Variants in WIPF1 observed in about 807,000 individuals in gnomAD.
The protein encoded by WIPF1 is WAS/WASL interacting protein family member 1, also known as WAS/WASL-interacting protein family member 1.
In WIPF1, 13 loss-of-function variants were observed where a neutral mutation model predicts 35.4. The ratio of observed to expected loss-of-function variants is 0.37; its 90% CI spans 0.24 to 0.58. The LOEUF is 0.58. Among genes scored for constraint, WIPF1 ranks in the 20% least tolerant of loss-of-function variants. WIPF1 has a pLI of 0.74. For synonymous variants in WIPF1, 267 were observed against 266.3 expected (o/e 1.00, Z -0.02); for missense variants, 591 against 667.0 (o/e 0.89, Z 1.25).
intron 6 of WIPF1, 99 bp from the exon 7 acceptor site, chr2:174,567,282 C>T: frequency 1.8e-6 from 2 of 1,123,792 alleles, no homozygotes; most frequent in Admixed American, 2.2e-5. Flanking sequence ...GAACCACAGA[C>T]ATCAGTGCTA....
At chr2:174,638,359 G>C (rs1165497372) in intron 1 of WIPF1, among the ~76,000 whole-genome samples, 1 of 152,136 alleles carries the variant, frequency 6.6e-6, no homozygotes, top group Non-Finnish European at 1.5e-5. Flanking sequence ...AATCAGGGTA[G>C]TTAGCATATC....
intron 1 of WIPF1, among the ~76,000 whole-genome samples, chr2:174,646,203 T>C (rs1161070297): frequency 6.6e-6 from 1 of 152,226 alleles, no homozygotes; most frequent in Non-Finnish European, 1.5e-5. Flanking sequence ...CTCACATATA[T>C]GTAACACGGG....
chr2:174,571,843 A>AGAG lies in WIPF1; in HGVS notation c.959_961dup (p.Pro320dup). Reference sequence around the variant, plus strand: ...GTCATTGCCGCTGGAACTTGGAGGCAGAGGAGGCGGCCCGGGCCTGCTGGG... The same window carrying AGAG: ...GTCATTGCCGCTGGAACTTGGAGGCAGAGGAGGAGGCGGCCCGGGCCTGCTGGG... On this transcript the variant is annotated inframe_insertion, in exon 5 of 8. Coordinates refer to ENST00000679041, the MANE Select transcript of WIPF1 (RefSeq NM_001375834.1). This position sits in a 1 kb window ranked among gnomAD's most constrained non-coding sequence, Gnocchi z 4.6. The AGAG allele has an allele frequency of 6.2e-7, 1 of 1,614,138 alleles. No homozygotes were observed. The highest frequency in any genetic ancestry group is 8.5e-7 in the Non-Finnish European group (1 of 1,180,016).
chr2:174,620,941 A>T (rs541536754), intron 1 of WIPF1, among the ~76,000 whole-genome samples: 1 of 152,362 alleles, frequency 6.6e-6, no homozygotes, highest in African/African-American at 2.4e-5. Flanking sequence ...TAAACACAGC[A>T]GCCTGGGAAA....
chr2:174,567,354 A>G (rs1684694510), intron 6 of WIPF1, among the ~76,000 whole-genome samples, 171 bp from the exon 7 acceptor site: 1 of 152,240 alleles, frequency 6.6e-6, no homozygotes, highest in South Asian at 2.1e-4. Flanking sequence ...GAATTAGTAC[A>G]CTGACATATA....
rs1187966952 is a variant in WIPF1, at chr2:174,562,299, C to T, written c.*248G>A. 17 of 1,508,664 alleles carry T rather than the reference C, an allele frequency of 1.1e-5. No homozygotes were observed. The highest frequency in any genetic ancestry group is 6.9e-5 in the African/African-American group (5 of 71,962). 93.5% of individuals were successfully genotyped at this position (1,508,664 alleles called of 1,614,324 possible). A position where few individuals can be genotyped will look rare whatever the true frequency, so the allele number is the denominator to read the frequency against. ...TCTGCCTATTACGACAAAAGCCTAT[C>T]GACCCCAGCAGCCAGCACAGGCAGG... On this transcript the variant is annotated 3_prime_UTR_variant, in exon 8 of 8. Coordinates refer to ENST00000679041, the MANE Select transcript of WIPF1 (RefSeq NM_001375834.1).
chr2:174,617,321 A>G (rs1686535863), intron 1 of WIPF1, among the ~76,000 whole-genome samples: 1 of 152,168 alleles, frequency 6.6e-6, no homozygotes, highest in Non-Finnish European at 1.5e-5. Flanking sequence ...ATTGAGCAAT[A>G]AGGGTTAGAA....
chr2:174,565,809 C>T (rs1173825723), intron 7 of WIPF1, among the ~76,000 whole-genome samples: 1 of 152,210 alleles, frequency 6.6e-6, no homozygotes, highest in Non-Finnish European at 1.5e-5. Flanking sequence ...GAGGCTAAGG[C>T]TGCCACGAAC....
In WIPF1 at chr2:174,619,075, T is replaced by A. The variant is rs533030812; in HGVS notation, c.-38-33464A>T. 1.7e-4 allele frequency among the ~76,000 whole-genome samples: 26 copies of A among 152,156 alleles called. 1 individual carries two copies. The South Asian group carries it at 4.6e-3, about 27-fold the overall frequency. On this transcript the variant is annotated intron_variant, in intron 1 of 8. Coordinates refer to the WIPF1 transcript ENST00000272746. ...CTCAAGTGATCCTCCTACCTCAGCC[T>A]CCTGAGTAGCTGGGACCACAGACGC... is the stretch of plus-strand genomic sequence containing the variant.
intron 1 of WIPF1, among the ~76,000 whole-genome samples, chr2:174,659,489 T>C (rs545170649): frequency 3.3e-5 from 5 of 152,260 alleles, no homozygotes; most frequent in South Asian, 4.1e-4. Context: ...GGTATACGAG[T>C]GCTCAACTCA....
intron 1 of WIPF1, among the ~76,000 whole-genome samples, chr2:174,593,934 T>C (rs1486665597): frequency 6.6e-6 from 1 of 152,236 alleles, no homozygotes; most frequent in African/African-American, 2.4e-5. Context: ...AAAAGGCAGC[T>C]GGACTCCAGA....
At chr2:174,649,831 T>C (rs1223428151) in intron 1 of WIPF1, among the ~76,000 whole-genome samples, 1 of 152,224 alleles carries the variant, frequency 6.6e-6, no homozygotes, top group Non-Finnish European at 1.5e-5. Flanking sequence ...AGAATAATTC[T>C]GAATAGACGT....
intron 1 of WIPF1, among the ~76,000 whole-genome samples, chr2:174,667,153 C>A (rs144733032): frequency 0.011 from 1,643 of 152,294 alleles, 26 homozygotes; most frequent in African/African-American, 0.036. Context: ...ACAGAGCTCA[C>A]CACTGGGGCT....
chr2:174,653,126 A>G (rs1687567483), intron 1 of WIPF1, among the ~76,000 whole-genome samples: 2 of 152,220 alleles, frequency 1.3e-5, no homozygotes, highest in Non-Finnish European at 1.5e-5. Context: ...ACTGGGCTTC[A>G]GGAAATTTAA....
At chr2:174,654,293 A>G (rs1206039337) in intron 1 of WIPF1, among the ~76,000 whole-genome samples, 1 of 152,214 alleles carries the variant, frequency 6.6e-6, no homozygotes, top group East Asian at 1.9e-4. Context: ...AAAGTGTTCT[A>G]CTAAATTTCT....
intron 1 of WIPF1, among the ~76,000 whole-genome samples, chr2:174,675,210 A>T (rs568994628): frequency 5.9e-5 from 9 of 152,350 alleles, no homozygotes; most frequent in African/African-American, 2.2e-4. Context: ...AATTGATAAT[A>T]TTGATTACTT....
intron 1 of WIPF1, among the ~76,000 whole-genome samples, chr2:174,669,049 G>A (rs965703078): frequency 6.6e-6 from 1 of 152,208 alleles, no homozygotes; most frequent in African/African-American, 2.4e-5. Context: ...AGTTCATTCA[G>A]AGCATTTAGA....
At position 174,572,267 on chromosome 2, in the gene WIPF1, G is replaced by C. The variant is rs1340513978; in HGVS notation, c.538C>G (p.Pro180Ala). 1 of 1,614,182 alleles carries C rather than the reference G, an allele frequency of 6.2e-7. No homozygotes were observed. The change falls in exon 5 of 8, where the codon CCT becomes GCT. Residue 180 changes from proline to alanine, a missense_variant. Physicochemically the swap from Pro to Ala is conservative, Grantham distance 27. Transcript: ENST00000679041. ...PPPRPDVGSKPDSIPPPVPST... is the reference protein window; with the variant it reads ...PPPRPDVGSKADSIPPPVPST... ...GGTACTGGAGGAGGAATGCTATCAG[G>C]CTTTGAGCCCACGTCGGGCCTTGGG...
rs1686696076 is a variant in WIPF1 at position 174,622,154 on chromosome 2, G to T, written c.-38-36543C>A. Among the ~76,000 whole-genome samples the T allele has an allele frequency of 6.6e-6, 1 of 152,144 alleles. No homozygotes were observed. The highest frequency in any genetic ancestry group is 1.5e-5 in the Non-Finnish European group (1 of 68,038). On this transcript the variant is annotated intron_variant, in intron 1 of 8. Transcript: ENST00000272746. This position sits in a 1 kb window ranked among gnomAD's most constrained non-coding sequence, Gnocchi z 5.1. ...GCAACCTGACTGAATTTAGAGCCAT[G>T]AATTTGTTATCTCTTAATGTGGATA...
Sources: allele counts gnomAD v4.1 joint callset (sites outside exome capture counted in the v4.1 genomes callset), GRCh38; gene constraint gnomAD v4.1.1; non-coding constraint Gnocchi (gnomAD v3.1); transcripts MANE v1.5; gene names NCBI Gene and HGNC (gene_info 2026-07-23, HGNC 2026-07-21).